SGCZ: variants seen among roughly 807,000 people sequenced by gnomAD.
The protein encoded by SGCZ is zeta-sarcoglycan.
Under a neutral mutation model 41.3 loss-of-function variants are expected in SGCZ, and 40 were observed. The ratio of observed to expected loss-of-function variants is 0.97; its 90% CI spans 0.75 to 1.26. SGCZ has a LOEUF of 1.26. Among genes scored for constraint, SGCZ ranks in the 50% most tolerant of loss-of-function variants. The probability of loss-of-function intolerance (pLI) is 0.00; values close to 1 mark genes in which losing one functional copy is unlikely to be tolerated. For missense variants in SGCZ, 552 were observed against 369.8 expected (o/e 1.49, Z -4.04); for synonymous variants, 206 against 137.5 (o/e 1.50, Z -3.49).
chr8:15,173,584 T>G (rs1374590409), intron 1 of SGCZ, among the ~76,000 whole-genome samples: 3 of 152,222 alleles, frequency 2.0e-5, no homozygotes, highest in Admixed American at 6.5e-5. Context: ...TTAAAGCTTT[T>G]AAGATGCATT....
intron 1 of SGCZ, among the ~76,000 whole-genome samples, chr8:15,152,840 CTAA>C (rs1435568419): frequency 1.2e-4 from 18 of 152,166 alleles, no homozygotes; most frequent in Admixed American, 1.2e-3. Context: ...GATAAACTGA[CTAA>C]TAATCTCCTG....
chr8:14,516,103 A>G (rs1337322574), intron 2 of SGCZ, among the ~76,000 whole-genome samples: 1 of 106,834 alleles, frequency 9.4e-6, no homozygotes, highest in Admixed American at 8.9e-5. Context: ...GATCATGATG[A>G]AACTTCTCTT....
At chr8:14,495,309 T>C (rs1047184835) in intron 2 of SGCZ, among the ~76,000 whole-genome samples, 96 of 152,314 alleles carry the variant, frequency 6.3e-4, no homozygotes, top group African/African-American at 2.3e-3. Context: ...ATCAATACAT[T>C]ACTTCTTTCA....
At chr8:14,099,799 T>C (rs1459055936) in intron 7 of SGCZ, among the ~76,000 whole-genome samples, 2 of 152,208 alleles carry the variant, frequency 1.3e-5, no homozygotes, top group Admixed American at 1.3e-4. Context: ...ACATGTGCCA[T>C]TATACCACTT....
At chr8:14,797,097 G>C (rs1034157329) in intron 1 of SGCZ, among the ~76,000 whole-genome samples, 4 of 152,130 alleles carry the variant, frequency 2.6e-5, no homozygotes, top group African/African-American at 9.7e-5. Context: ...AGAAGAGTGG[G>C]GTGCTGCTAT....
At chr8:14,152,095 T>G (rs977685887) in intron 5 of SGCZ, among the ~76,000 whole-genome samples, 1 of 152,012 alleles carries the variant, frequency 6.6e-6, no homozygotes, top group African/African-American at 2.4e-5. Context: ...TCAAAAATAT[T>G]AAAAATTTGT....
At chr8:14,669,352 T>C (rs895505456) in intron 1 of SGCZ, among the ~76,000 whole-genome samples, 2 of 117,466 alleles carry the variant, frequency 1.7e-5, no homozygotes, top group African/African-American at 6.6e-5. Flanking sequence ...AGCAAGACCC[T>C]GTCTCTAAGT....
intron 2 of SGCZ, among the ~76,000 whole-genome samples, chr8:14,543,883 G>T (rs2117158409): frequency 6.6e-6 from 1 of 152,164 alleles, no homozygotes; most frequent in East Asian, 1.9e-4. Flanking sequence ...TGCCTGATTT[G>T]ATTACAGAAT....
rs180842885 is a variant in SGCZ at position 15,141,793 on chromosome 8, C to G, written c.39+95792G>C. On this transcript the variant is annotated intron_variant, in intron 1 of 7. Transcript: ENST00000382080. ...GGTGCGTGCCTGTAATCCAACTACT[C>G]AGGAGGCTGAGGCAGGAGAACCACT... 3.5e-3 allele frequency among the ~76,000 whole-genome samples: 527 copies of G among 151,980 alleles called. 1 individual carries two copies. Among genetic ancestry groups the G allele is most frequent in the Non-Finnish European group, 5.4e-3 (368 of 68,002 alleles).
At chr8:14,287,835 C>T (rs148550075) in intron 3 of SGCZ, among the ~76,000 whole-genome samples, 14 of 152,022 alleles carry the variant, frequency 9.2e-5, no homozygotes, top group African/African-American at 2.7e-4. Context: ...CCAAGTAGCC[C>T]GGCAGCTTTA....
At chr8:14,232,631 T>C (rs1806612692) in intron 4 of SGCZ, among the ~76,000 whole-genome samples, 1 of 151,948 alleles carries the variant, frequency 6.6e-6, no homozygotes, top group African/African-American at 2.4e-5. Flanking sequence ...TTTTAAGTTT[T>C]AGGGTACAAG....
rs58202157 is a variant in SGCZ at position 15,092,599 on chromosome 8, T to C, written c.39+144986A>G. 5.1e-3 allele frequency among the ~76,000 whole-genome samples: 771 copies of C among 152,334 alleles called. 5 individuals carry two copies. Among genetic ancestry groups the C allele is most frequent in the African/African-American group, 0.018 (731 of 41,580 alleles). Reference sequence around the variant, plus strand: ...TTAAAATCTGTTTTGTATATTAACATCTGGATACTTCAGATGTAAGAGAAA... The same window carrying C: ...TTAAAATCTGTTTTGTATATTAACACCTGGATACTTCAGATGTAAGAGAAA... On this transcript the variant is annotated intron_variant, in intron 1 of 7. Coordinates refer to ENST00000382080, the MANE Select transcript of SGCZ (RefSeq NM_139167.4).
intron 1 of SGCZ, among the ~76,000 whole-genome samples, chr8:14,926,783 G>C (rs907613895): frequency 6.6e-6 from 1 of 152,002 alleles, no homozygotes; most frequent in Non-Finnish European, 1.5e-5. Context: ...TGGGATTACA[G>C]GCATGCGCCA....
chr8:15,179,343 CAAAGTT>C (rs1800095067), intron 1 of SGCZ, among the ~76,000 whole-genome samples: 1 of 151,936 alleles, frequency 6.6e-6, no homozygotes, highest in African/African-American at 2.4e-5. Context: ...CTGAAAATAA[CAAAGTT>C]AAAGAAAAAA....
At chr8:15,165,009 A>C (rs1225847801) in intron 1 of SGCZ, among the ~76,000 whole-genome samples, 1 of 152,056 alleles carries the variant, frequency 6.6e-6, no homozygotes, top group East Asian at 1.9e-4. Flanking sequence ...AGCTCTAATT[A>C]GGCCAGGCGC....
chr8:14,116,334 T>C (rs1302707324), intron 5 of SGCZ, among the ~76,000 whole-genome samples: 1 of 152,096 alleles, frequency 6.6e-6, no homozygotes, highest in East Asian at 1.9e-4. Context: ...CCACAATTTA[T>C]TTAGAATTTC....
intron 1 of SGCZ, among the ~76,000 whole-genome samples, chr8:14,831,942 G>C (rs1035082399): frequency 6.6e-6 from 1 of 151,958 alleles, no homozygotes; most frequent in African/African-American, 2.4e-5. Flanking sequence ...ATTCCTGATT[G>C]ATTTAATGAA....
chr8:14,559,939 G>A (rs1001497608), intron 1 of SGCZ, among the ~76,000 whole-genome samples: 2 of 152,052 alleles, frequency 1.3e-5, no homozygotes, highest in African/African-American at 2.4e-5. Flanking sequence ...AACCCATTAT[G>A]TTATGTAACA....
intron 1 of SGCZ, among the ~76,000 whole-genome samples, chr8:14,557,995 A>G (rs911078702): frequency 2.6e-5 from 4 of 152,156 alleles, no homozygotes; most frequent in African/African-American, 7.2e-5. Flanking sequence ...AATACACCTG[A>G]CATCACAGAA....
Sources: allele counts gnomAD v4.1 joint callset (sites outside exome capture counted in the v4.1 genomes callset), GRCh38; gene constraint gnomAD v4.1.1; transcripts MANE v1.5; gene names NCBI Gene and HGNC (gene_info 2026-07-23, HGNC 2026-07-21).